AGPAT3: variants seen among roughly 807,000 people sequenced by gnomAD.
The protein encoded by AGPAT3 is 1-acylglycerol-3-phosphate O-acyltransferase 3.
AGPAT3 carries 5 observed loss-of-function variants against 47.3 expected under a neutral mutation model. The observed-to-expected ratio is 0.11, with a 90% CI of 0.06 to 0.22. AGPAT3 has a LOEUF of 0.22. Ranked by LOEUF, AGPAT3 falls within the 10% of genes least tolerant of loss-of-function variation. The pLI, the probability that AGPAT3 is intolerant of heterozygous loss-of-function variation, is 1.00. For synonymous variants in AGPAT3, 212 were observed against 208.3 expected (o/e 1.02, Z -0.15); for missense variants, 315 against 493.0 (o/e 0.64, Z 3.42).
intron 2 of AGPAT3, among the ~76,000 whole-genome samples, chr21:43,907,695 C>T (rs112810176): frequency 8.5e-5 from 13 of 152,194 alleles, no homozygotes; most frequent in African/African-American, 2.9e-4. Context: ...CCAGCCTGGG[C>T]GACAGAGCGA....
rs563954349 is a variant in AGPAT3 at position 43,922,724 on chromosome 21, T to A, written c.-49+18705T>A. Among the ~76,000 whole-genome samples the A allele has an allele frequency of 1.8e-4, 27 of 151,810 alleles. No individual in the cohort carries two copies. In the South Asian group the frequency reaches 5.9e-3, roughly 33 times the overall value. On this transcript the variant is annotated intron_variant, in intron 2 of 9. Coordinates refer to ENST00000291572, the MANE Select transcript of AGPAT3 (RefSeq NM_020132.5). The surrounding 1 kb of genome is among the most constrained non-coding windows in gnomAD (Gnocchi z 4.9). ...CAGGGGCTGTGGCTCAGGAGCCATG[T>A]GCCAGGCAGGGCACTCCGTCAGTGT...
intron 1 of AGPAT3, among the ~76,000 whole-genome samples, chr21:43,895,038 A>T (rs2086184050): frequency 6.6e-6 from 1 of 151,752 alleles, no homozygotes; most frequent in African/African-American, 2.4e-5. Context: ...TACTTCTTCT[A>T]AATTTGTTTT....
chr21:43,932,693 C>T lies in AGPAT3; in HGVS notation c.-48-26941C>T, dbSNP rs531433951. Among the ~76,000 whole-genome samples the T allele has an allele frequency of 6.2e-4, 95 of 152,348 alleles. No individual in the cohort carries two copies. Among genetic ancestry groups the T allele is most frequent in the Middle Eastern group, 3.4e-3 (1 of 294 alleles). ...TGAGACGGAGTCTTGCTCTGTCGCCCAGGCTGGAGTGCGATGGCACGGTCT... is the reference window on the plus strand; with the variant it reads ...TGAGACGGAGTCTTGCTCTGTCGCCTAGGCTGGAGTGCGATGGCACGGTCT... On this transcript the variant is annotated intron_variant, in intron 2 of 9. Transcript: ENST00000291572. The surrounding 1 kb of genome is among the most constrained non-coding windows in gnomAD (Gnocchi z 5.2).
intron 7 of AGPAT3, among the ~76,000 whole-genome samples, chr21:43,973,377 C>T (rs1010145428): frequency 2.0e-5 from 3 of 152,188 alleles, no homozygotes; most frequent in African/African-American, 7.2e-5. Context: ...AGATCCTGGC[C>T]ACAGCTGGCC....
intron 2 of AGPAT3, among the ~76,000 whole-genome samples, chr21:43,906,991 G>A (rs1373056169): frequency 1.3e-5 from 2 of 152,154 alleles, no homozygotes; most frequent in Non-Finnish European, 2.9e-5. Flanking sequence ...GAGGCCCAGG[G>A]GGCTTCAGGG....
Position 43,986,675 on chromosome 21 carries a change from A to C in AGPAT3, c.*4283A>C, listed in dbSNP as rs2030331166. On this transcript the variant is annotated 3_prime_UTR_variant, in exon 10 of 10. Transcript: ENST00000291572. ...CCAGCAAGTACTGTAACTGTAAAGG[A>C]AAATCTCTCTCTCTGGAGAACCCAC... 1 of 152,592 alleles carries C rather than the reference A, an allele frequency of 6.6e-6. No individual in the cohort carries two copies. The highest frequency in any genetic ancestry group is 6.5e-5 in the Admixed American group (1 of 15,292). The allele number at this position is 152,592 out of a possible 1,614,324, so 9.5% of individuals were successfully genotyped here.
At chr21:43,931,380 T>C (rs2087237447) in intron 2 of AGPAT3, among the ~76,000 whole-genome samples, 1 of 152,214 alleles carries the variant, frequency 6.6e-6, no homozygotes, top group African/African-American at 2.4e-5. Context: ...CTCTATTTTA[T>C]GTTGTAGCTC....
chr21:43,889,217 T>TG (rs1426988539), intron 1 of AGPAT3, among the ~76,000 whole-genome samples: 1 of 151,962 alleles, frequency 6.6e-6, no homozygotes, highest in Non-Finnish European at 1.5e-5. Context: ...GAAGGCATGT[T>TG]GGCGACAGAG....
chr21:43,984,954 C>T lies in AGPAT3; in HGVS notation c.*2562C>T. The T allele has an allele frequency of 2.7e-6, 1 of 374,408 alleles. No homozygotes were observed. Among genetic ancestry groups the T allele is most frequent in the Non-Finnish European group, 5.3e-6 (1 of 187,914 alleles). The allele number at this position is 374,408 out of a possible 1,614,324, so 23.2% of individuals were successfully genotyped here. On this transcript the variant is annotated 3_prime_UTR_variant, in exon 10 of 10. Transcript: ENST00000291572. ...ATTCTAGGCCTGGCATCGCTGATGCCCTCTGCACCCAGTCCTTGAGCCAGG... is the reference window on the plus strand; with the variant it reads ...ATTCTAGGCCTGGCATCGCTGATGCTCTCTGCACCCAGTCCTTGAGCCAGG...
In AGPAT3 at chr21:43,908,916, C is replaced by G. The variant is rs778239314; in HGVS notation, c.-49+4897C>G. Among the ~76,000 whole-genome samples, 1 of 152,192 alleles carries G rather than the reference C, an allele frequency of 6.6e-6. No individual in the cohort carries two copies. Among genetic ancestry groups the G allele is most frequent in the Admixed American group, 6.5e-5 (1 of 15,276 alleles). ...ACGGTCCCCGGATGCCCCTGCTGTG[C>G]TCCGAGGTTGGCCTGCGTCTTTTGC... On this transcript the variant is annotated intron_variant, in intron 2 of 9. Transcript: ENST00000291572. This position sits in a 1 kb window ranked among gnomAD's most constrained non-coding sequence, Gnocchi z 4.9.
rs1432055253 is a variant in AGPAT3, at chr21:43,978,081, A to G, written c.803A>G (p.Lys268Arg). The change falls in exon 8 of 10, where the codon AAG (lysine) becomes AGG (arginine). Residue 268 changes from lysine (K) to arginine (R), a missense_variant. Transcript: ENST00000291572. ...FPLEDIPLDE[K>R]EAAQWLHKLY... ...CTGGAAGACATCCCGCTGGATGAAA[A>G]GGAAGCAGCTCAGTGGCTTCATAAA... The G allele has an allele frequency of 1.2e-6, 2 of 1,613,674 alleles. No homozygotes were observed. Among genetic ancestry groups the G allele is most frequent in the South Asian group, 1.1e-5 (1 of 90,974 alleles).
intron 2 of AGPAT3, among the ~76,000 whole-genome samples, chr21:43,956,148 G>T (rs1336166784): frequency 6.6e-6 from 1 of 152,132 alleles, no homozygotes; most frequent in Non-Finnish European, 1.5e-5. Flanking sequence ...CTGCAGGGCG[G>T]CCCCCACCCT....
rs546810098 is a variant in AGPAT3 at position 43,941,915 on chromosome 21, G to A, written c.-48-17719G>A. On this transcript the variant is annotated intron_variant, in intron 2 of 9. Transcript: ENST00000291572. The stretch of plus-strand genomic sequence containing the variant: ...AGCGCCTCTGTCTGGGAAGAGTGCC[G>A]CATTGCGCCTGAGCAGCTGCTCGTA... Among the ~76,000 whole-genome samples, 7 of 152,378 alleles carry A rather than the reference G, an allele frequency of 4.6e-5. No homozygotes were observed. The East Asian group carries it at 9.6e-4, about 21-fold the overall frequency.
chr21:43,872,773 T>A (rs2123514763), intron 1 of AGPAT3, among the ~76,000 whole-genome samples: 1 of 152,292 alleles, frequency 6.6e-6, no homozygotes, highest in East Asian at 1.9e-4. Context: ...GTTCCTGATT[T>A]TAGGGAAATG....
intron 1 of AGPAT3, among the ~76,000 whole-genome samples, chr21:43,898,526 A>G (rs1327851937): frequency 6.6e-6 from 1 of 152,120 alleles, no homozygotes; most frequent in Non-Finnish European, 1.5e-5. Context: ...CTGTGTATTT[A>G]AATTCTTTTT....
chr21:43,871,884 G>T (rs574395756), intron 1 of AGPAT3, among the ~76,000 whole-genome samples: 1 of 152,282 alleles, frequency 6.6e-6, no homozygotes, highest in East Asian at 1.9e-4. Context: ...TTGGTGAAAA[G>T]ATAGTTTTAA....
chr21:43,923,715 G>A (rs1158588473), intron 2 of AGPAT3, among the ~76,000 whole-genome samples: 2 of 152,226 alleles, frequency 1.3e-5, no homozygotes, highest in East Asian at 1.9e-4. Flanking sequence ...CGAAGGATCC[G>A]ATGGACAGCC....
At chr21:43,947,090 C>T (rs1273593886) in intron 2 of AGPAT3, 1 of 152,410 alleles carries the variant, frequency 6.6e-6, no homozygotes, top group African/African-American at 2.4e-5. Flanking sequence ...GGCTGGAGGT[C>T]CTTGGCCAGC....
chr21:43,895,509 ATTT>A (rs10716158), intron 1 of AGPAT3, among the ~76,000 whole-genome samples: 29 of 122,220 alleles, frequency 2.4e-4, no homozygotes, highest in South Asian at 2.6e-4. Flanking sequence ...TAGTGACAGG[ATTT>A]TTTTTTTTTT....
Sources: allele counts gnomAD v4.1 joint callset (sites outside exome capture counted in the v4.1 genomes callset), GRCh38; gene constraint gnomAD v4.1.1; non-coding constraint Gnocchi (gnomAD v3.1); transcripts MANE v1.5; gene names NCBI Gene and HGNC (gene_info 2026-07-23, HGNC 2026-07-21).